Variants in RIT2 observed in about 807,000 individuals in gnomAD.
RIT2 encodes the protein Ras like without CAAX 2.
RIT2 carries 24 observed loss-of-function variants against 23.7 expected under a neutral mutation model. The ratio of observed to expected loss-of-function variants is 1.01; its 90% CI spans 0.73 to 1.43. The LOEUF (loss-of-function observed/expected upper bound fraction) is 1.43, where lower values mean the gene tolerates loss of function less well. Among genes scored for constraint, RIT2 ranks in the 40% most tolerant of loss-of-function variants. RIT2 has a pLI of 0.00. For missense variants in RIT2, 236 were observed against 266.9 expected (o/e 0.88, Z 0.81); for synonymous variants, 107 against 91.1 (o/e 1.17, Z -0.99).
chr18:42,799,503 C>T (rs1430038635), intron 4 of RIT2, among the ~76,000 whole-genome samples: 2 of 152,224 alleles, frequency 1.3e-5, no homozygotes, highest in Non-Finnish European at 2.9e-5. Context: ...GCAATCTCCT[C>T]CTAAATGTTA....
At chr18:42,837,163 T>C (rs1040548486) in intron 4 of RIT2, among the ~76,000 whole-genome samples, 17 of 95,442 alleles carry the variant, frequency 1.8e-4, no homozygotes, top group East Asian at 2.8e-4. Context: ...CTTTTTTTTT[T>C]TTTTTTTTTT....
At chr18:43,070,090 G>C (rs912536601) in intron 1 of RIT2, among the ~76,000 whole-genome samples, 2 of 152,162 alleles carry the variant, frequency 1.3e-5, no homozygotes, top group African/African-American at 4.8e-5. Context: ...AGCAAGGAAA[G>C]TATGTTTATG....
chr18:42,998,877 A>G (rs532075778), intron 2 of RIT2, among the ~76,000 whole-genome samples: 2 of 152,188 alleles, frequency 1.3e-5, no homozygotes, highest in South Asian at 2.1e-4. Flanking sequence ...GTAGGTTTAT[A>G]GGACATTTAC....
intron 4 of RIT2, among the ~76,000 whole-genome samples, chr18:42,779,814 T>C (rs182839006): frequency 6.6e-6 from 1 of 152,252 alleles, no homozygotes; most frequent in East Asian, 1.9e-4. Flanking sequence ...ACAAAGGTAA[T>C]ATTGTTCAAA....
At chr18:43,101,904 G>C (rs1360178636) in intron 1 of RIT2, among the ~76,000 whole-genome samples, 1 of 152,066 alleles carries the variant, frequency 6.6e-6, no homozygotes, top group Non-Finnish European at 1.5e-5. Context: ...AGAAAAGAGT[G>C]GGTAGCTAGC....
chr18:43,105,495 A>AGGGAG (rs1568083822), intron 1 of RIT2, among the ~76,000 whole-genome samples: 22 of 137,108 alleles, frequency 1.6e-4, no homozygotes, highest in African/African-American at 2.1e-4. Flanking sequence ...GAAGGGAGGA[A>AGGGAG]GAAAGGGAGG....
intron 3 of RIT2, among the ~76,000 whole-genome samples, chr18:42,940,858 G>A (rs563370476): frequency 6.6e-6 from 1 of 152,172 alleles, no homozygotes; most frequent in South Asian, 2.1e-4. Flanking sequence ...ATAGCATGCT[G>A]GTAAGTTTTC....
intron 4 of RIT2, among the ~76,000 whole-genome samples, chr18:42,866,593 C>T (rs144504762): frequency 6.6e-5 from 10 of 150,832 alleles, no homozygotes; most frequent in East Asian, 2.0e-4. Flanking sequence ...TGGTCTTCAG[C>T]GTCATTAACC....
intron 3 of RIT2, among the ~76,000 whole-genome samples, chr18:42,943,044 G>C (rs912962427): frequency 6.6e-6 from 1 of 152,016 alleles, no homozygotes; most frequent in Admixed American, 6.6e-5. Context: ...CCCAAAGAGT[G>C]AGCAGCAGCA....
chr18:42,975,480 G>A (rs1910457645), intron 2 of RIT2, among the ~76,000 whole-genome samples: 1 of 152,068 alleles, frequency 6.6e-6, no homozygotes, highest in African/African-American at 2.4e-5. Context: ...GAGAGTGTGG[G>A]ATGTAGGTCA....
At chr18:43,047,500 C>T (rs924776694) in intron 1 of RIT2, among the ~76,000 whole-genome samples, 2 of 151,994 alleles carry the variant, frequency 1.3e-5, no homozygotes, top group African/African-American at 4.8e-5. Flanking sequence ...AAAACAACAC[C>T]AAAAATAAAT....
chr18:43,051,831 C>T (rs1175705547), intron 1 of RIT2, among the ~76,000 whole-genome samples: 1 of 152,102 alleles, frequency 6.6e-6, no homozygotes, highest in Non-Finnish European at 1.5e-5. Context: ...TAACTTTTAA[C>T]TTTGTAACTT....
intron 4 of RIT2, among the ~76,000 whole-genome samples, chr18:42,798,602 T>C (rs1371457916): frequency 6.6e-6 from 1 of 152,270 alleles, no homozygotes; most frequent in African/African-American, 2.4e-5. Context: ...TCAATCAGAC[T>C]GTCCCTTCTG....
chr18:42,909,252 A>G (rs561279183), intron 4 of RIT2, among the ~76,000 whole-genome samples: 43 of 152,304 alleles, frequency 2.8e-4, no homozygotes, highest in Non-Finnish European at 5.6e-4. Context: ...GTTCTCACTT[A>G]TAAGTGAGAG....
intron 4 of RIT2, among the ~76,000 whole-genome samples, chr18:42,856,827 CTTTTTTTTTT>C (rs756725926): frequency 3.5e-5 from 4 of 114,616 alleles, no homozygotes; most frequent in Non-Finnish European, 6.7e-5. Flanking sequence ...CTCTCTCTCT[CTTTTTTTTTT>C]TTTTTTTTTT....
At chr18:43,110,106 T>C (rs1332728741) in intron 1 of RIT2, among the ~76,000 whole-genome samples, 1 of 152,146 alleles carries the variant, frequency 6.6e-6, no homozygotes, top group Non-Finnish European at 1.5e-5. Flanking sequence ...AAGTAAAATG[T>C]TATTTTTACC....
intron 4 of RIT2, among the ~76,000 whole-genome samples, chr18:42,902,260 A>G (rs1382463097): frequency 6.6e-6 from 1 of 151,856 alleles, no homozygotes; most frequent in Non-Finnish European, 1.5e-5. Context: ...TGTAAAGGAG[A>G]CGTTCAGAAC....
At chr18:42,866,400 T>C (rs1032404763) in intron 4 of RIT2, among the ~76,000 whole-genome samples, 1 of 152,170 alleles carries the variant, frequency 6.6e-6, no homozygotes, top group Non-Finnish European at 1.5e-5. Flanking sequence ...TACTAGATAG[T>C]GAAGAAAGAA....
Position 42,963,161 on chromosome 18 carries a change from G to A in RIT2, c.234+10913C>T. On this transcript the variant is annotated intron_variant, in intron 3 of 4. Transcript: ENST00000326695. ...AAATACCATCTTTTCCTGATTTTCAGATGAAATGCAACATATTTCTTTTCC... is the reference window on the plus strand; with the variant it reads ...AAATACCATCTTTTCCTGATTTTCAAATGAAATGCAACATATTTCTTTTCC... Among the ~76,000 whole-genome samples the A allele has an allele frequency of 1.3e-5, 2 of 152,148 alleles. 1 individual carries two copies. Among genetic ancestry groups the A allele is most frequent in the Admixed American group, 1.3e-4 (2 of 15,272 alleles).
Sources: allele counts gnomAD v4.1 joint callset (sites outside exome capture counted in the v4.1 genomes callset), GRCh38; gene constraint gnomAD v4.1.1; transcripts MANE v1.5; gene names NCBI Gene and HGNC (gene_info 2026-07-23, HGNC 2026-07-21).